ACBD5: variants seen among roughly 807,000 people sequenced by gnomAD.
The protein encoded by ACBD5 is acyl-CoA-binding domain-containing protein 5.
A neutral mutation model predicts 71.8 loss-of-function variants in ACBD5; 40 were observed. The observed-to-expected ratio is 0.56, with a 90% CI of 0.43 to 0.72. ACBD5 has a LOEUF of 0.72. Among genes scored for constraint, ACBD5 ranks in the 30% least tolerant of loss-of-function variants. ACBD5 has a pLI of 0.00. For missense variants in ACBD5, 559 were observed against 644.5 expected, an observed-to-expected ratio of 0.87 and a Z score of 1.44; for synonymous variants, 229 against 218.6, an observed-to-expected ratio of 1.05 and a Z score of -0.42.
intron 12 of ACBD5, among the ~76,000 whole-genome samples, chr10:27,203,100 G>A (rs1375806409): frequency 1.4e-5 from 2 of 144,492 alleles, no homozygotes; most frequent in African/African-American, 5.1e-5. Flanking sequence ...TCAGCCTCCC[G>A]AGTATCTGGG....
chr10:27,214,029 T>A (rs1321553935), intron 8 of ACBD5, among the ~76,000 whole-genome samples: 1 of 152,156 alleles, frequency 6.6e-6, no homozygotes, highest in Non-Finnish European at 1.5e-5. Context: ...ATGGATGGAA[T>A]TGGAAGATAT....
At chr10:27,238,881 T>C (rs2065100643) in intron 2 of ACBD5, among the ~76,000 whole-genome samples, 1 of 152,202 alleles carries the variant, frequency 6.6e-6, no homozygotes, top group Non-Finnish European at 1.5e-5. Context: ...GGCACAGTAG[T>C]AGCACCTATA....
chr10:27,210,712 T>C (rs560671893), intron 9 of ACBD5, 102 bp downstream of exon 9: 1 of 1,497,142 alleles, frequency 6.7e-7, no homozygotes, highest in African/African-American at 1.4e-5. Flanking sequence ...GAGCCGAGAT[T>C]GCACCACCGC....
chr10:27,224,270 G>T (rs944958765), intron 4 of ACBD5, among the ~76,000 whole-genome samples: 1 of 151,770 alleles, frequency 6.6e-6, no homozygotes, highest in African/African-American at 2.4e-5. Flanking sequence ...CCAGCTACTC[G>T]GGAGGCTGAG....
chr10:27,228,807 A>ATTTTTT (rs1564691136), intron 4 of ACBD5, among the ~76,000 whole-genome samples: 2 of 6,828 alleles, frequency 2.9e-4, no homozygotes, highest in African/African-American at 4.3e-4. Flanking sequence ...ATATATATAT[A>ATTTTTT]TATATATATT....
chr10:27,204,884 T>C (rs1411843240), intron 11 of ACBD5, among the ~76,000 whole-genome samples: 1 of 152,196 alleles, frequency 6.6e-6, no homozygotes, highest in East Asian at 1.9e-4. Context: ...TCCCAGCACT[T>C]TGGGAGGCCG....
chr10:27,199,227 C>T (rs761488053), intron 12 of ACBD5, among the ~76,000 whole-genome samples: 2 of 150,926 alleles, frequency 1.3e-5, no homozygotes, highest in South Asian at 2.1e-4. Flanking sequence ...CTCGCTCTGT[C>T]GCCCAGGCTG....
intron 4 of ACBD5, among the ~76,000 whole-genome samples, chr10:27,228,003 G>C (rs1186127930): frequency 1.3e-5 from 2 of 151,694 alleles, no homozygotes; most frequent in African/African-American, 4.8e-5. Context: ...ATGAGCCACC[G>C]CGCCCGGCCG....
Position 27,197,050 on chromosome 10 carries a change from T to C in ACBD5, c.*380A>G, listed in dbSNP as rs764555246. 27 of 439,496 alleles carry C rather than the reference T, an allele frequency of 6.1e-5. 1 individual carries two copies. Among genetic ancestry groups the C allele is most frequent in the Non-Finnish European group, 1.1e-4 (24 of 222,112 alleles). The allele number at this position is 439,496 out of a possible 1,614,324, so 27.2% of individuals were successfully genotyped here. On this transcript the variant is annotated 3_prime_UTR_variant, in exon 13 of 13. Coordinates refer to ENST00000396271, the MANE Select transcript of ACBD5 (RefSeq NM_145698.5). ...ATTTAGAAAATTAAAAATAATAACT[T>C]ATAAATTTGATCTCATTATCACAAT...
At chr10:27,237,419 G>A (rs2064859828) in intron 2 of ACBD5, among the ~76,000 whole-genome samples, 2 of 152,110 alleles carry the variant, frequency 1.3e-5, no homozygotes, top group South Asian at 2.1e-4. Context: ...CTTAAATAAG[G>A]ATTGAGAAAC....
rs1180464450 is a variant in ACBD5 at position 27,208,545 on chromosome 10, C to A, written c.1205-100G>T. ...TCTGTTATTTCTTTGAGATCTAAAT[C>A]TCCAAAGTGTGGCCAGGAGCTGTGG... On this transcript the variant is annotated intron_variant, in intron 9 of 12. Coordinates refer to ENST00000396271, the MANE Select transcript of ACBD5 (RefSeq NM_145698.5). The A allele has an allele frequency of 2.1e-6, 3 of 1,412,418 alleles. No homozygotes were observed. In the African/African-American group the frequency reaches 4.3e-5, roughly 20 times the overall value. The allele number at this position is 1,412,418 out of a possible 1,614,324, so 87.5% of individuals were successfully genotyped here. A position where few individuals can be genotyped will look rare whatever the true frequency, so the allele number is the denominator to read the frequency against.
chr10:27,219,699 A>G, intron 6 of ACBD5, 24 bp downstream of exon 6: 2 of 1,613,138 alleles, frequency 1.2e-6, no homozygotes, highest in Middle Eastern at 1.7e-4. Context: ...TTGCAAAATT[A>G]CTAACTGATT....
chr10:27,205,156 A>G, intron 11 of ACBD5, 42 bp downstream of exon 11: 1 of 1,582,726 alleles, frequency 6.3e-7, no homozygotes, highest in South Asian at 1.1e-5. Flanking sequence ...AACAAAAAAC[A>G]TATGAAACCC....
At chr10:27,223,684 T>C (rs979864239) in intron 4 of ACBD5, among the ~76,000 whole-genome samples, 1 of 151,992 alleles carries the variant, frequency 6.6e-6, no homozygotes. Context: ...GGCAGGAGGA[T>C]GGCTTGAGCC....
chr10:27,207,701 C>G (rs977935747), intron 10 of ACBD5, among the ~76,000 whole-genome samples: 3 of 151,998 alleles, frequency 2.0e-5, no homozygotes, highest in African/African-American at 4.8e-5. Flanking sequence ...TCCTATGAAC[C>G]CTTTTCATTT....
intron 8 of ACBD5, among the ~76,000 whole-genome samples, chr10:27,214,901 C>G (rs781109457): frequency 6.6e-6 from 1 of 152,122 alleles, no homozygotes; most frequent in African/African-American, 2.4e-5. Context: ...CAATGCCTCA[C>G]GTCCATAATC....
At position 27,184,592 on chromosome 10, in the gene ACBD5, G is replaced by A. The variant is rs1358401780; in HGVS notation, c.1494-1877C>T. Among the ~76,000 whole-genome samples the A allele has an allele frequency of 7.0e-5, 7 of 100,612 alleles. No individual in the cohort carries two copies. In the East Asian group the frequency reaches 1.3e-3, roughly 19 times the overall value. The allele number at this position is 100,612 out of a possible 152,430, so 66.0% of individuals were successfully genotyped here. ...TTTTTTTTTTTTGAGACGGAATCTC[G>A]TTCTGTTGCCCAGGCTGGAGTGCAG... On this transcript the variant is annotated intron_variant, in intron 13 of 13. Transcript: ENST00000676511.
intron 12 of ACBD5, among the ~76,000 whole-genome samples, chr10:27,202,694 C>A (rs1238217713): frequency 1.3e-5 from 2 of 151,954 alleles, no homozygotes; most frequent in Non-Finnish European, 1.5e-5. Flanking sequence ...AATTCCTCTA[C>A]TCTCCAACTC....
chr10:27,212,347 T>A (rs1161119713), intron 8 of ACBD5, among the ~76,000 whole-genome samples: 4 of 152,168 alleles, frequency 2.6e-5, no homozygotes, highest in Admixed American at 2.0e-4. Context: ...CCCCTTGAGC[T>A]TTAGTCCATC....
Sources: allele counts gnomAD v4.1 joint callset (sites outside exome capture counted in the v4.1 genomes callset), GRCh38; gene constraint gnomAD v4.1.1; transcripts MANE v1.5; gene names NCBI Gene and HGNC (gene_info 2026-07-23, HGNC 2026-07-21).